The following MYO19 variants were observed in gnomAD, a reference collection of about 807,000 sequenced individuals.
MYO19 encodes unconventional myosin-XIX.
MYO19 carries 132 observed loss-of-function variants against 129.2 expected under a neutral mutation model. The observed-to-expected ratio is 1.02, with a 90% confidence interval of 0.89 to 1.18. MYO19 has a LOEUF of 1.18. MYO19 is among the 50% of genes most tolerant of loss of function. The pLI is 0.00. For missense variants in MYO19, 1,210 were observed against 1,216.7 expected (o/e 0.99, Z 0.08); for synonymous variants, 531 against 477.2 (o/e 1.11, Z -1.47).
intron 17 of MYO19, 77 bp from the exon 18 acceptor site, chr17:36,506,685 G>A (rs543350221): frequency 1.3e-5 from 19 of 1,462,856 alleles, no homozygotes; most frequent in South Asian, 2.9e-5. Flanking sequence ...CACCCAAGCC[G>A]CAGATGACGG....
At chr17:36,519,041 C>T (rs530599568) in intron 6 of MYO19, among the ~76,000 whole-genome samples, 2 of 152,132 alleles carry the variant, frequency 1.3e-5, no homozygotes, top group Non-Finnish European at 2.9e-5. Context: ...ACTACAGGCA[C>T]AAGCCACCAC....
At chr17:36,521,094 C>T (rs1033975137) in intron 6 of MYO19, among the ~76,000 whole-genome samples, 54 of 152,030 alleles carry the variant, frequency 3.6e-4, no homozygotes, top group African/African-American at 1.0e-3. Context: ...TTATAGTTTC[C>T]ACCTATCTGC....
rs1465126660 is a variant in MYO19, at chr17:36,500,638, T to C, written c.2377+192A>G. ...AGAGCACCTTTGTTTGTGGAGTGAC[T>C]TGGTTTCCATTGAACTGGAGAGACG... is the stretch of plus-strand genomic sequence containing the variant. On this transcript the variant is annotated intron_variant, in intron 23 of 25. Transcript: ENST00000614623. The C allele has an allele frequency of 5.6e-6, 4 of 717,912 alleles. No individual in the cohort carries two copies. In the African/African-American group the frequency reaches 7.1e-5, roughly 13 times the overall value. 44.5% of individuals were successfully genotyped at this position (717,912 alleles called of 1,614,324 possible).
intron 19 of MYO19, 43 bp from the exon 20 acceptor site, chr17:36,504,063 C>T (rs1286084046): frequency 2.1e-6 from 3 of 1,447,618 alleles, no homozygotes; most frequent in Non-Finnish European, 2.8e-6. Flanking sequence ...CAGCATGGGG[C>T]CAGCAGGCCA....
intron 25 of MYO19, 32 bp from the exon 26 acceptor site, chr17:36,496,438 C>G: frequency 6.2e-7 from 1 of 1,611,124 alleles, no homozygotes; most frequent in Non-Finnish European, 8.5e-7. Flanking sequence ...AGCTTTAGCA[C>G]TAGTTCCTGG....
At chr17:36,526,502 GTAAAAGAA>G (rs1212957835) in intron 5 of MYO19, among the ~76,000 whole-genome samples, 3 of 152,110 alleles carry the variant, frequency 2.0e-5, no homozygotes, top group African/African-American at 4.8e-5. Context: ...CCTTTTCTCA[GTAAAAGAA>G]TAAGTTACTT....
intron 8 of MYO19, 134 bp downstream of exon 8, chr17:36,514,979 C>G: frequency 1.4e-6 from 1 of 709,164 alleles, no homozygotes; most frequent in Non-Finnish European, 2.3e-6. Context: ...AGAGCTCACA[C>G]CTGAGGTAAA....
At chr17:36,511,497 G>T in intron 11 of MYO19, 42 bp from the exon 12 acceptor site, 1 of 1,527,574 alleles carries the variant, frequency 6.5e-7, no homozygotes, top group South Asian at 1.2e-5. Context: ...GAGAGGGCGT[G>T]ACGTGGGCCT....
chr17:36,516,244 T>C (rs1212002188), intron 6 of MYO19, among the ~76,000 whole-genome samples: 4 of 152,236 alleles, frequency 2.6e-5, no homozygotes, highest in Non-Finnish European at 4.4e-5. Context: ...TATGTTTTTT[T>C]TGCAAACTCT....
At chr17:36,513,215 G>A (rs777536969) in intron 11 of MYO19, 7 of 1,445,112 alleles carry the variant, frequency 4.8e-6, no homozygotes, top group East Asian at 2.5e-5. Context: ...CTCTAGCACT[G>A]TGTATGCATC....
chr17:36,501,121 A>AT lies in MYO19; in HGVS notation c.2194dup (p.Met732AsnfsTer16). On this transcript the variant is annotated frameshift_variant, in exon 22 of 26. Transcript: ENST00000614623. LOFTEE classifies it high-confidence loss of function. ...CCTGCCACAGTGCATGGGGGCTGGC[A>AT]TGGCCTCAGCCGAGTCACCAGTTAT... The AT allele has an allele frequency of 6.2e-7, 1 of 1,614,024 alleles. No homozygotes were observed. Among genetic ancestry groups the AT allele is most frequent in the South Asian group, 1.1e-5 (1 of 91,078 alleles).
In MYO19 at chr17:36,499,192, TAA is replaced by T. The variant is rs753626591; in HGVS notation, c.2378-34_2378-33del. On this transcript the variant is annotated intron_variant, in intron 23 of 25. Coordinates refer to ENST00000614623, the MANE Select transcript of MYO19 (RefSeq NM_001163735.2). ...GGTTTGCCCAGAAACAGGAAAGAGA[TAA>T]TAAAGGGGCCATTAGAGCTGTCAGT... is the stretch of plus-strand genomic sequence containing the variant. 3.9e-6 allele frequency: 6 copies of T among 1,548,118 alleles called. No homozygotes were observed. The South Asian group carries it at 5.8e-5, about 15-fold the overall frequency.
At chr17:36,507,996 G>C (rs1472238051) in intron 14 of MYO19, 72 bp from the exon 15 acceptor site, 1 of 1,483,266 alleles carries the variant, frequency 6.7e-7, no homozygotes, top group East Asian at 2.4e-5. Flanking sequence ...AAGGAACCCA[G>C]GGTGGCTGGG....
intron 11 of MYO19, chr17:36,512,792 G>A: frequency 3.9e-6 from 5 of 1,285,956 alleles, no homozygotes; most frequent in African/African-American, 3.0e-5. Flanking sequence ...AGAGGGTGAG[G>A]AAGATGAGAG....
At chr17:36,521,347 A>G (rs1381820363) in intron 6 of MYO19, among the ~76,000 whole-genome samples, 1 of 152,234 alleles carries the variant, frequency 6.6e-6, no homozygotes, top group Non-Finnish European at 1.5e-5. Context: ...TAAATGTTAG[A>G]AAAAAACTAG....
Position 36,507,795 on chromosome 17 carries a change from T to C in MYO19, c.1353+8A>G. On this transcript the variant is annotated splice_region_variant and intron_variant, in intron 15 of 25. Transcript: ENST00000614623. ...AAGGACCTGCCTCCTGCTCACCCCA[T>C]CCCTCACCTGCTGGGCCCTTAGGTA... 6.2e-7 allele frequency: 1 copy of C among 1,604,386 alleles called. No homozygotes were observed. Among genetic ancestry groups the C allele is most frequent in the Non-Finnish European group, 8.5e-7 (1 of 1,174,230 alleles).
chr17:36,524,558 T>C (rs1015937444), intron 6 of MYO19, among the ~76,000 whole-genome samples: 6 of 152,224 alleles, frequency 3.9e-5, no homozygotes, highest in Non-Finnish European at 5.9e-5. Flanking sequence ...CTGTCTCACC[T>C]GTTGTGGTTT....
exon 1 of MYO19, chr17:36,543,429 C>G (rs1258361651): frequency 6.6e-6 from 1 of 152,210 alleles, no homozygotes; most frequent in Admixed American, 6.5e-5. Context: ...GCTGGGATTA[C>G]CGGCGTGAGC....
At chr17:36,540,465 G>T (rs1269177740) in intron 2 of MYO19, among the ~76,000 whole-genome samples, 1 of 150,914 alleles carries the variant, frequency 6.6e-6, no homozygotes, top group Non-Finnish European at 1.5e-5. Context: ...CCGCCTCCCA[G>T]ATTCAAGCAA....
Sources: allele counts gnomAD v4.1 joint callset (sites outside exome capture counted in the v4.1 genomes callset), GRCh38; gene constraint gnomAD v4.1.1; transcripts MANE v1.5; gene names NCBI Gene and HGNC (gene_info 2026-07-23, HGNC 2026-07-21).